The following PDE4D variants were observed in gnomAD, a reference collection of about 807,000 sequenced individuals.
PDE4D encodes phosphodiesterase 4D.
In PDE4D, 24 loss-of-function variants were observed where a neutral mutation model predicts 87.4. That is an observed-to-expected ratio of 0.27 (90% CI 0.20 to 0.39). PDE4D has a LOEUF of 0.39. Among genes scored for constraint, PDE4D ranks in the 10% least tolerant of loss-of-function variants. The pLI is 1.00. For missense variants in PDE4D, 714 were observed against 1,041.0 expected (o/e 0.69, Z 4.32); for synonymous variants, 384 against 383.2 (o/e 1.00, Z -0.02).
At chr5:60,106,897 G>A (rs1465205019) in intron 2 of PDE4D, among the ~76,000 whole-genome samples, 3 of 151,138 alleles carry the variant, frequency 2.0e-5, no homozygotes, top group African/African-American at 4.9e-5. Context: ...ATGCCCACAA[G>A]AGAAAGCAGG....
At position 59,649,783 on chromosome 5, in the gene PDE4D, G is replaced by C. The variant is rs1743063341; in HGVS notation, c.455+243385C>G. ...CGTTGCTTGGTATCCATCAGGAAATGTTTGTTGCATGAATGAAGAAAAAGA... is the reference window on the plus strand; with the variant it reads ...CGTTGCTTGGTATCCATCAGGAAATCTTTGTTGCATGAATGAAGAAAAAGA... On this transcript the variant is annotated intron_variant, in intron 1 of 14. Transcript: ENST00000340635. 2.0e-5 allele frequency among the ~76,000 whole-genome samples: 3 copies of C among 150,722 alleles called. No homozygotes were observed. The South Asian group carries it at 6.4e-4, about 32-fold the overall frequency.
At chr5:59,151,016 A>G (rs1779397909) in intron 5 of PDE4D, among the ~76,000 whole-genome samples, 1 of 152,160 alleles carries the variant, frequency 6.6e-6, no homozygotes, top group Non-Finnish European at 1.5e-5. Flanking sequence ...ATTTACTACA[A>G]GCAAAAGAAG....
At chr5:60,204,662 C>G (rs1439192669) in intron 1 of PDE4D, among the ~76,000 whole-genome samples, 1 of 148,612 alleles carries the variant, frequency 6.7e-6, no homozygotes, top group East Asian at 1.9e-4. Flanking sequence ...ATCCTTATCT[C>G]TCTAGCTCAA....
At chr5:59,196,959 T>G (rs550188359) in intron 2 of PDE4D, among the ~76,000 whole-genome samples, 14 of 152,268 alleles carry the variant, frequency 9.2e-5, no homozygotes, top group African/African-American at 3.4e-4. Flanking sequence ...GTAAAATGGA[T>G]GAGAGGCAGT....
intron 1 of PDE4D, among the ~76,000 whole-genome samples, chr5:60,360,516 G>A (rs1759970651): frequency 6.6e-6 from 1 of 152,178 alleles, no homozygotes; most frequent in South Asian, 2.1e-4. Flanking sequence ...ACACACATCT[G>A]CTATTTACTG....
intron 1 of PDE4D, among the ~76,000 whole-genome samples, chr5:59,274,963 T>C (rs1764528488): frequency 6.6e-6 from 1 of 152,148 alleles, no homozygotes; most frequent in Non-Finnish European, 1.5e-5. Flanking sequence ...AGGGTATTGC[T>C]TTTAAAGACA....
intron 1 of PDE4D, among the ~76,000 whole-genome samples, chr5:60,474,043 A>G (rs1280343241): frequency 7.3e-6 from 1 of 136,888 alleles, no homozygotes; most frequent in African/African-American, 2.7e-5. Flanking sequence ...GAATTTTTTT[A>G]TCTTCCCAAG....
chr5:59,603,859 A>C lies in PDE4D; in HGVS notation c.455+289309T>G, dbSNP rs113072232. Among the ~76,000 whole-genome samples the C allele has an allele frequency of 7.4e-3, 1,119 of 152,152 alleles. 12 individuals carry two copies. The highest frequency in any genetic ancestry group is 0.025 in the African/African-American group (1,035 of 41,550). ...TTGTACAATATGGTGATTCTAGTCAATAACAATATGTTGTATTCTTGAAAA... is the reference window on the plus strand; with the variant it reads ...TTGTACAATATGGTGATTCTAGTCACTAACAATATGTTGTATTCTTGAAAA... On this transcript the variant is annotated intron_variant, in intron 1 of 14. Transcript: ENST00000340635.
At chr5:59,350,702 T>C (rs1780393954) in intron 1 of PDE4D, among the ~76,000 whole-genome samples, 1 of 152,318 alleles carries the variant, frequency 6.6e-6, no homozygotes, top group Admixed American at 6.5e-5. Flanking sequence ...TAATAATAGC[T>C]GACATTTATT....
At chr5:60,147,808 C>T in intron 2 of PDE4D, 1 of 455,616 alleles carries the variant, frequency 2.2e-6, no homozygotes, top group South Asian at 1.6e-5. Context: ...CATATTTTAC[C>T]ATGTGGCCTT....
At chr5:59,520,423 G>A (rs1020377254) in intron 1 of PDE4D, among the ~76,000 whole-genome samples, 1 of 152,182 alleles carries the variant, frequency 6.6e-6, no homozygotes, top group Non-Finnish European at 1.5e-5. Flanking sequence ...TGGTGCGACT[G>A]AATTTCAGAT....
chr5:60,345,315 G>C (rs1455157715), intron 1 of PDE4D, among the ~76,000 whole-genome samples: 1 of 151,972 alleles, frequency 6.6e-6, no homozygotes, highest in African/African-American at 2.4e-5. Flanking sequence ...GGAAGGGGGA[G>C]AGGGAAAACA....
intron 1 of PDE4D, among the ~76,000 whole-genome samples, chr5:60,365,293 A>G (rs1221482521): frequency 2.6e-5 from 4 of 152,234 alleles, no homozygotes; most frequent in African/African-American, 7.2e-5. Context: ...TCAATATTAA[A>G]TAATCTGATT....
chr5:59,324,836 T>C (rs1313029629), intron 1 of PDE4D, among the ~76,000 whole-genome samples: 4 of 152,152 alleles, frequency 2.6e-5, no homozygotes, highest in African/African-American at 4.8e-5. Flanking sequence ...GACACATGTC[T>C]ATCTTCCTCA....
intron 1 of PDE4D, among the ~76,000 whole-genome samples, chr5:59,883,202 A>G (rs1347936746): frequency 6.6e-6 from 1 of 152,216 alleles, no homozygotes; most frequent in Admixed American, 6.5e-5. Flanking sequence ...AGTTACAGGA[A>G]CAGAGCAGGT....
chr5:59,419,732 A>G (rs1260823904), intron 1 of PDE4D, among the ~76,000 whole-genome samples: 1 of 152,206 alleles, frequency 6.6e-6, no homozygotes, highest in African/African-American at 2.4e-5. Context: ...TATTATTGAC[A>G]TTGAAATTTC....
intron 3 of PDE4D, among the ~76,000 whole-genome samples, chr5:59,928,766 A>G (rs1005530423): frequency 6.6e-6 from 1 of 151,236 alleles, no homozygotes; most frequent in Non-Finnish European, 1.5e-5. Context: ...ATCTCTCTTT[A>G]TATTTTCTTA....
At chr5:59,236,449 T>C (rs972086849) in intron 1 of PDE4D, among the ~76,000 whole-genome samples, 2 of 152,214 alleles carry the variant, frequency 1.3e-5, no homozygotes, top group Non-Finnish European at 2.9e-5. Flanking sequence ...TTGGATACTC[T>C]GAGTCGGTAA....
chr5:59,220,714 G>A (rs1482989844), intron 1 of PDE4D, among the ~76,000 whole-genome samples: 2 of 151,986 alleles, frequency 1.3e-5, no homozygotes, highest in Non-Finnish European at 2.9e-5. Flanking sequence ...AGTCCACATC[G>A]TGGTGTTATG....
Sources: allele counts gnomAD v4.1 joint callset (sites outside exome capture counted in the v4.1 genomes callset), GRCh38; gene constraint gnomAD v4.1.1; transcripts MANE v1.5; gene names NCBI Gene and HGNC (gene_info 2026-07-23, HGNC 2026-07-21).